The following TMEM135 variants were observed in gnomAD, a reference collection of about 807,000 sequenced individuals.
TMEM135 encodes the protein peroxisomal membrane protein 52.
TMEM135 carries 30 observed loss-of-function variants against 60.3 expected under a neutral mutation model. The observed-to-expected ratio is 0.50, with a 90% confidence interval of 0.37 to 0.68. TMEM135 has a LOEUF of 0.68. Ranked by LOEUF, TMEM135 falls within the 30% of genes least tolerant of loss-of-function variation. The pLI, the probability that TMEM135 is intolerant of heterozygous loss-of-function variation, is 0.00. For synonymous variants in TMEM135, 190 were observed against 186.7 expected (o/e 1.02, Z -0.14); for missense variants, 468 against 548.8 (o/e 0.85, Z 1.47).
chr11:87,237,211 G>C (rs1261740725), intron 6 of TMEM135, among the ~76,000 whole-genome samples: 1 of 151,984 alleles, frequency 6.6e-6, no homozygotes, highest in Non-Finnish European at 1.5e-5. Flanking sequence ...GGGGAAGAGT[G>C]TTAGGATGGC....
intron 4 of TMEM135, among the ~76,000 whole-genome samples, chr11:87,142,558 C>T (rs1305176043): frequency 6.6e-6 from 1 of 152,114 alleles, no homozygotes; most frequent in Non-Finnish European, 1.5e-5. Flanking sequence ...TTTTCTCTCC[C>T]TAAGTATAAA....
chr11:87,082,822 A>C (rs2168469), intron 3 of TMEM135, among the ~76,000 whole-genome samples: 82,939 of 151,972 alleles, frequency 0.55, 23,402 homozygotes, highest in East Asian at 0.7. Flanking sequence ...TTTCTTTTTA[A>C]AAAATAGCAA....
At chr11:87,224,104 CTAAG>C (rs1222877441) in intron 5 of TMEM135, among the ~76,000 whole-genome samples, 1 of 152,278 alleles carries the variant, frequency 6.6e-6, no homozygotes, top group Non-Finnish European at 1.5e-5. Flanking sequence ...TTTGGGAGAA[CTAAG>C]TGTTACTCTG....
At chr11:87,285,066 C>A (rs1942138788) in intron 6 of TMEM135, among the ~76,000 whole-genome samples, 3 of 151,920 alleles carry the variant, frequency 2.0e-5, no homozygotes, top group Admixed American at 2.0e-4. Context: ...GAACATTTTT[C>A]AAAACAAAAC....
At chr11:87,060,071 C>T (rs1030174821) in intron 1 of TMEM135, among the ~76,000 whole-genome samples, 6 of 151,952 alleles carry the variant, frequency 3.9e-5, no homozygotes, top group Non-Finnish European at 5.9e-5. Context: ...GGAGATCGCG[C>T]CACTGCACTC....
chr11:87,295,209 C>A lies in TMEM135; in HGVS notation c.510-573C>A, dbSNP rs377448165. Among the ~76,000 whole-genome samples, 42 of 152,260 alleles carry A rather than the reference C, an allele frequency of 2.8e-4. No individual in the cohort carries two copies. The South Asian group carries it at 7.1e-3, about 26-fold the overall frequency. ...GCACTCAATAAATACCATTTAGAGT[C>A]CTGTCTTTCTGCTCTCCCCTCACCC... On this transcript the variant is annotated intron_variant, in intron 6 of 14. Coordinates refer to ENST00000305494, the MANE Select transcript of TMEM135 (RefSeq NM_022918.4).
rs557877168 is a variant in TMEM135 at position 87,239,631 on chromosome 11, G to C, written c.509+2947G>C. Among the ~76,000 whole-genome samples, 74 of 152,126 alleles carry C rather than the reference G, an allele frequency of 4.9e-4. No homozygotes were observed. The Middle Eastern group carries it at 0.01, about 21-fold the overall frequency. On this transcript the variant is annotated intron_variant, in intron 6 of 14. Coordinates refer to ENST00000305494, the MANE Select transcript of TMEM135 (RefSeq NM_022918.4). ...CATTTATGGTAACCTCCTTTGAGAA[G>C]AGGATAGGGAAGAATTTTATATTTG...
At chr11:87,041,793 A>G (rs1210428791) in intron 1 of TMEM135, among the ~76,000 whole-genome samples, 1 of 152,246 alleles carries the variant, frequency 6.6e-6, no homozygotes. Flanking sequence ...GTGAAGACAT[A>G]TTTGGCAGGT....
intron 3 of TMEM135, among the ~76,000 whole-genome samples, chr11:87,087,244 C>T (rs2445570): frequency 0.66 from 100,047 of 150,744 alleles, 34,149 homozygotes; most frequent in East Asian, 0.88. Context: ...CTGCTAAGAC[C>T]TGGGTGCATG....
chr11:87,062,340 A>C (rs1457977335), intron 1 of TMEM135, among the ~76,000 whole-genome samples: 2 of 118,114 alleles, frequency 1.7e-5, no homozygotes, highest in African/African-American at 6.5e-5. Context: ...ATAATTTTCA[A>C]ATTTAGGTAC....
At chr11:87,268,526 G>T (rs908853331) in intron 6 of TMEM135, among the ~76,000 whole-genome samples, 2 of 152,058 alleles carry the variant, frequency 1.3e-5, no homozygotes, top group South Asian at 2.1e-4. Context: ...TCTAACAAAT[G>T]ATTTAAGAAT....
At chr11:87,112,501 A>C (rs890529720) in intron 4 of TMEM135, among the ~76,000 whole-genome samples, 2 of 152,084 alleles carry the variant, frequency 1.3e-5, no homozygotes, top group African/African-American at 4.8e-5. Flanking sequence ...AGTAATTTTC[A>C]AAAACAGAAG....
chr11:87,159,034 A>G (rs920663558), intron 5 of TMEM135, among the ~76,000 whole-genome samples: 1 of 152,218 alleles, frequency 6.6e-6, no homozygotes, highest in African/African-American at 2.4e-5. Context: ...GCACAGCTGT[A>G]TAAGTAATCA....
intron 1 of TMEM135, among the ~76,000 whole-genome samples, chr11:87,064,579 G>A (rs1316715969): frequency 1.3e-5 from 2 of 151,944 alleles, no homozygotes; most frequent in Non-Finnish European, 2.9e-5. Flanking sequence ...CTATAATTTT[G>A]TCATTTTAAG....
At chr11:87,198,023 G>A (rs972154273) in intron 5 of TMEM135, among the ~76,000 whole-genome samples, 2 of 151,968 alleles carry the variant, frequency 1.3e-5, no homozygotes, top group Non-Finnish European at 2.9e-5. Context: ...TAATGATCAA[G>A]TCAGAATATT....
At chr11:87,175,385 G>C (rs1018662152) in intron 5 of TMEM135, among the ~76,000 whole-genome samples, 2 of 152,044 alleles carry the variant, frequency 1.3e-5, no homozygotes, top group African/African-American at 4.8e-5. Flanking sequence ...TTGAAAAGTT[G>C]GTGTAGACCA....
At chr11:87,147,468 T>A (rs1938446524) in intron 4 of TMEM135, among the ~76,000 whole-genome samples, 1 of 151,712 alleles carries the variant, frequency 6.6e-6, no homozygotes, top group Non-Finnish European at 1.5e-5. Context: ...CCTGAATAGC[T>A]GGGACTATAG....
At chr11:87,274,407 CT>C (rs1941929566) in intron 6 of TMEM135, among the ~76,000 whole-genome samples, 1 of 152,156 alleles carries the variant, frequency 6.6e-6, no homozygotes, top group Admixed American at 6.6e-5. Context: ...TCTGTCTATA[CT>C]TTTCTGCTTA....
At chr11:87,112,050 A>G (rs1289035005) in intron 4 of TMEM135, among the ~76,000 whole-genome samples, 37 of 152,208 alleles carry the variant, frequency 2.4e-4, no homozygotes, top group Admixed American at 1.9e-3. Context: ...AACAAACCTT[A>G]TATGTGGCAA....
Sources: gnomAD v4.1 joint callset for allele counts (sites outside exome capture counted in the v4.1 genomes callset) on GRCh38, gnomAD v4.1.1 for gene constraint, MANE v1.5 for transcripts, NCBI Gene and HGNC (gene_info 2026-07-23, HGNC 2026-07-21) for gene names.